ULK4: variants seen among roughly 807,000 people sequenced by gnomAD.
ULK4 encodes inactive serine/threonine-protein kinase ULK4.
ULK4 carries 133 observed loss-of-function variants against 160.6 expected under a neutral mutation model. The observed-to-expected ratio is 0.83, with a 90% CI of 0.72 to 0.96. The LOEUF is 0.96. Ranked by LOEUF, ULK4 falls within the 40% of genes least tolerant of loss-of-function variation. The pLI, the probability that ULK4 is intolerant of heterozygous loss-of-function variation, is 0.00. For missense variants in ULK4, 1,580 were observed against 1,499.5 expected, an observed-to-expected ratio of 1.05 and a Z score of -0.89; for synonymous variants, 534 against 539.8, an observed-to-expected ratio of 0.99 and a Z score of 0.15.
intron 35 of ULK4, among the ~76,000 whole-genome samples, chr3:41,306,533 GC>G (rs1319864450): frequency 6.7e-6 from 1 of 150,132 alleles, no homozygotes; most frequent in Admixed American, 6.6e-5. Flanking sequence ...GGGGGGGTCA[GC>G]CCCCTGCCCG....
intron 34 of ULK4, among the ~76,000 whole-genome samples, chr3:41,446,098 T>C (rs1048735416): frequency 4.6e-5 from 7 of 152,260 alleles, no homozygotes; most frequent in South Asian, 4.2e-4. Context: ...AGAAGACATT[T>C]ATGCAGCCAA....
chr3:41,483,146 C>T (rs1380556260), intron 32 of ULK4, among the ~76,000 whole-genome samples: 1 of 152,174 alleles, frequency 6.6e-6, no homozygotes, highest in Non-Finnish European at 1.5e-5. Context: ...TAACCATCCC[C>T]ACTTTAGTCC....
rs1294164518 is a variant in ULK4 at position 41,299,894 on chromosome 3, G to A, written c.3679-50320C>T. 5.3e-5 allele frequency among the ~76,000 whole-genome samples: 8 copies of A among 152,140 alleles called. 1 individual carries two copies. The highest frequency in any genetic ancestry group is 5.2e-4 in the Admixed American group (8 of 15,268). On this transcript the variant is annotated intron_variant, in intron 35 of 36. Transcript: ENST00000301831. ...TTAGATTGCTTCCAATTTCTGAGAA[G>A]TATAAATAAGCTTATACATCTAACA...
At chr3:41,480,700 C>T (rs2084294073) in intron 32 of ULK4, among the ~76,000 whole-genome samples, 1 of 152,022 alleles carries the variant, frequency 6.6e-6, no homozygotes, top group Non-Finnish European at 1.5e-5. Context: ...TAAAGACATA[C>T]CCAAGACTGG....
intron 31 of ULK4, among the ~76,000 whole-genome samples, chr3:41,604,576 T>A (rs7642694): frequency 2.0e-5 from 3 of 151,876 alleles, no homozygotes; most frequent in African/African-American, 7.3e-5. Flanking sequence ...ATATTCATAA[T>A]ACACCAAACA....
chr3:41,668,061 G>A (rs759665069), intron 29 of ULK4, among the ~76,000 whole-genome samples: 21 of 152,128 alleles, frequency 1.4e-4, no homozygotes, highest in Non-Finnish European at 1.5e-4. Flanking sequence ...TGAAACAATT[G>A]GTCAAGTGAA....
chr3:41,917,289 AGG>A, intron 7 of ULK4, among the ~76,000 whole-genome samples: 1 of 152,190 alleles, frequency 6.6e-6, no homozygotes, highest in African/African-American at 2.4e-5. Context: ...GGATCACTCG[AGG>A]CCAGGAGTTC....
chr3:41,440,248 T>C (rs1014220299), intron 34 of ULK4, among the ~76,000 whole-genome samples: 2 of 152,170 alleles, frequency 1.3e-5, no homozygotes, highest in Non-Finnish European at 2.9e-5. Flanking sequence ...ATGGAAGCAG[T>C]GAAAGCAAAC....
At chr3:41,947,168 A>C (rs1700136051) in intron 2 of ULK4, among the ~76,000 whole-genome samples, 1 of 152,162 alleles carries the variant, frequency 6.6e-6, no homozygotes, top group Non-Finnish European at 1.5e-5. Flanking sequence ...TCTACTAAAA[A>C]TACAAAAAAT....
intron 34 of ULK4, among the ~76,000 whole-genome samples, chr3:41,448,146 C>CTAGG (rs2083346037): frequency 6.6e-6 from 1 of 152,044 alleles, no homozygotes; most frequent in Non-Finnish European, 1.5e-5. Context: ...TCCTGCCTTC[C>CTAGG]TAGGGTTTAC....
chr3:41,550,449 C>CGGG (rs2125576329), intron 32 of ULK4, among the ~76,000 whole-genome samples: 1 of 151,762 alleles, frequency 6.6e-6, no homozygotes, highest in East Asian at 1.9e-4. Context: ...AAATATATCT[C>CGGG]ACGTGAACAA....
intron 21 of ULK4, among the ~76,000 whole-genome samples, chr3:41,759,766 T>TA (rs1169948688): frequency 2.6e-5 from 4 of 152,158 alleles, no homozygotes; most frequent in African/African-American, 9.6e-5. Context: ...GACAAAATGA[T>TA]AGACACATAG....
intron 11 of ULK4, among the ~76,000 whole-genome samples, chr3:41,910,488 C>T (rs755775973): frequency 5.9e-5 from 9 of 151,788 alleles, no homozygotes; most frequent in East Asian, 2.0e-4. Flanking sequence ...CAGCTACTCT[C>T]GGGAGGCTGA....
At chr3:41,390,456 G>A (rs1236796067) in intron 35 of ULK4, among the ~76,000 whole-genome samples, 1 of 152,080 alleles carries the variant, frequency 6.6e-6, no homozygotes, top group Non-Finnish European at 1.5e-5. Flanking sequence ...TAATTGTGAT[G>A]TTAGGGTGTC....
chr3:41,810,972 C>T (rs539771450), intron 19 of ULK4, among the ~76,000 whole-genome samples: 21 of 152,216 alleles, frequency 1.4e-4, no homozygotes, highest in African/African-American at 5.1e-4. Context: ...CAGCCTCAAA[C>T]TCCTGGGCTC....
At chr3:41,781,205 T>G (rs1045779788) in intron 21 of ULK4, among the ~76,000 whole-genome samples, 3 of 152,152 alleles carry the variant, frequency 2.0e-5, no homozygotes, top group Non-Finnish European at 2.9e-5. Context: ...AAATCATTTA[T>G]GAGAAGGTCA....
At chr3:41,576,744 AT>A (rs917258059) in intron 31 of ULK4, among the ~76,000 whole-genome samples, 6 of 152,206 alleles carry the variant, frequency 3.9e-5, no homozygotes, top group African/African-American at 1.4e-4. Flanking sequence ...ATAAATTCAG[AT>A]TTTTTATTTT....
intron 32 of ULK4, among the ~76,000 whole-genome samples, chr3:41,535,080 C>T (rs1263007973): frequency 6.6e-6 from 1 of 152,110 alleles, no homozygotes; most frequent in Admixed American, 6.5e-5. Flanking sequence ...TATTTTTCAA[C>T]TAAGATTTAT....
At chr3:41,852,604 A>G (rs866860134) in intron 17 of ULK4, among the ~76,000 whole-genome samples, 4 of 152,144 alleles carry the variant, frequency 2.6e-5, no homozygotes, top group South Asian at 2.1e-4. Context: ...AAAACTGAAG[A>G]AAAGGGGGAA....
Sources: gnomAD v4.1 joint callset for allele counts (sites outside exome capture counted in the v4.1 genomes callset) on GRCh38, gnomAD v4.1.1 for gene constraint, MANE v1.5 for transcripts, NCBI Gene and HGNC (gene_info 2026-07-23, HGNC 2026-07-21) for gene names.